Variants in HELZ observed in about 807,000 individuals in gnomAD.
The protein encoded by HELZ is ATP-dependent RNA helicase with zinc finger domain.
HELZ carries 23 observed loss-of-function variants against 218.2 expected under a neutral mutation model. That is an observed-to-expected ratio of 0.11 (90% CI 0.08 to 0.15). The LOEUF is 0.15. HELZ is among the 10% of genes least tolerant of loss of function. The pLI, the probability that HELZ is intolerant of heterozygous loss-of-function variation, is 1.00. For missense variants in HELZ, 1,813 were observed against 2,353.7 expected, an observed-to-expected ratio of 0.77 and a Z score of 4.75; for synonymous variants, 814 against 829.4, an observed-to-expected ratio of 0.98 and a Z score of 0.32.
At position 67,076,431 on chromosome 17, in the gene HELZ, T is replaced by C. The variant is rs1238709947; in HGVS notation, c.*1821A>G. 1 of 152,198 alleles carries C rather than the reference T, an allele frequency of 6.6e-6. No homozygotes were observed. Among genetic ancestry groups the C allele is most frequent in the Admixed American group, 6.5e-5 (1 of 15,280 alleles). 9.4% of individuals were successfully genotyped at this position (152,198 alleles called of 1,614,324 possible). On this transcript the variant is annotated 3_prime_UTR_variant, in exon 33 of 33. Transcript: ENST00000358691. ...ACTTGCCGGCTCAGTTTTCCAGCTG[T>C]GATTTATGCTAACCATTAACACGTC...
At chr17:67,184,785 C>A (rs1259968428) in intron 12 of HELZ, among the ~76,000 whole-genome samples, 1 of 151,880 alleles carries the variant, frequency 6.6e-6, no homozygotes, top group South Asian at 2.1e-4. Context: ...CACTGCACTC[C>A]AGCCTGGGCA....
chr17:67,108,713 C>A lies in HELZ; in HGVS notation c.4503G>T (p.Gly1501=). 5.7e-6 allele frequency: 9 copies of A among 1,587,466 alleles called. No homozygotes were observed. In the South Asian group the frequency reaches 6.8e-5, roughly 12 times the overall value. Reference sequence around the variant, plus strand: ...GCCTTAATGTTTCCAGAGCGACACTCCCATGTATACGATCTGCAAAAATAT... The same window carrying A: ...GCCTTAATGTTTCCAGAGCGACACTACCATGTATACGATCTGCAAAAATAT... ...PIGEALDRIH[G]SVALETLRQQ... is the part of the protein sequence containing the mutation. The change falls in exon 30 of 33, where the codon GGG becomes GGT. Residue 1501 remains glycine, a synonymous_variant. Transcript: ENST00000358691. This position sits in a 1 kb window ranked among gnomAD's most constrained non-coding sequence, Gnocchi z 4.1.
At chr17:67,093,082 T>C (rs1046240313) in intron 31 of HELZ, among the ~76,000 whole-genome samples, 1 of 152,228 alleles carries the variant, frequency 6.6e-6, no homozygotes, top group South Asian at 2.1e-4. Context: ...ACAATAGTGA[T>C]GTTTTAAAAA....
At chr17:67,125,816 C>T (rs574463897) in intron 24 of HELZ, among the ~76,000 whole-genome samples, 1 of 152,052 alleles carries the variant, frequency 6.6e-6, no homozygotes, top group African/African-American at 2.4e-5. Flanking sequence ...ATCCCATGAG[C>T]CCTAAAAGCA....
intron 27 of HELZ, among the ~76,000 whole-genome samples, chr17:67,117,653 G>A (rs1211379376): frequency 6.6e-6 from 1 of 151,344 alleles, no homozygotes; most frequent in Non-Finnish European, 1.5e-5. Context: ...AGGTTCAAGC[G>A]ATTCTCCTGC....
Position 67,109,097 on chromosome 17 carries a change from T to C in HELZ, c.4489+19A>G. 1.3e-6 allele frequency: 2 copies of C among 1,539,590 alleles called. No homozygotes were observed. The highest frequency in any genetic ancestry group is 8.8e-7 in the Non-Finnish European group (1 of 1,132,008). ...TAAGTAATCTCTGAATTTTCACATC[T>C]GGCAGTAATAGAACTTACCTAAAGC... On this transcript the variant is annotated intron_variant, in intron 29 of 32. Coordinates refer to ENST00000358691, the MANE Select transcript of HELZ (RefSeq NM_014877.4).
rs149864769 is a variant in HELZ, at chr17:67,123,861, G to A, written c.3439+102C>T. 1.5e-4 allele frequency: 115 copies of A among 790,838 alleles called. No individual in the cohort carries two copies. The African/African-American group carries it at 1.9e-3, about 13-fold the overall frequency. 49.0% of individuals were successfully genotyped at this position (790,838 alleles called of 1,614,324 possible). On this transcript the variant is annotated intron_variant, in intron 25 of 32. Coordinates refer to ENST00000358691, the MANE Select transcript of HELZ (RefSeq NM_014877.4). ...TGTGTGTGTGTCAGAGAGAAAGAGA[G>A]AGAGAAACCATCTCCCCACCCTCCT...
chr17:67,096,187 A>C (rs1017967837), intron 31 of HELZ, among the ~76,000 whole-genome samples: 1 of 121,450 alleles, frequency 8.2e-6, no homozygotes, highest in Non-Finnish European at 1.6e-5. Context: ...TAGTGGGTTT[A>C]AAACATGGGT....
At chr17:67,082,323 C>T (rs1426108430) in intron 32 of HELZ, among the ~76,000 whole-genome samples, 1 of 152,150 alleles carries the variant, frequency 6.6e-6, no homozygotes, top group Non-Finnish European at 1.5e-5. Context: ...CAAGAAACCC[C>T]ACTAATATTT....
In HELZ at chr17:67,109,538, G is replaced by C. The variant is rs1023078898; in HGVS notation, c.4067C>G (p.Pro1356Arg). 6.2e-7 allele frequency: 1 copy of C among 1,614,162 alleles called. No homozygotes were observed. The highest frequency in any genetic ancestry group is 8.5e-7 in the Non-Finnish European group (1 of 1,180,030). Residue 1356 changes from proline to arginine, a missense_variant, in exon 29 of 33, where the codon CCT (proline) becomes CGT (arginine). Pro to Arg is a moderately radical substitution (Grantham distance 103). Around this residue, in one of 4 missense-constraint regions of HELZ, gnomAD observed 938 missense variants for 1,027.5 expected, o/e 0.91. Coordinates refer to ENST00000358691, the MANE Select transcript of HELZ (RefSeq NM_014877.4). The stretch of plus-strand genomic sequence containing the variant: ...GGGAAGGGGATGAAAGTGGCGATTA[G>C]GGATTGCATACTGTGCGTGGGGAGC... ...LPAPHAQYAIPNRHFHPLPQL... is the reference protein window; with the variant it reads ...LPAPHAQYAIRNRHFHPLPQL...
chr17:67,167,830 T>TTAC lies in HELZ; in HGVS notation c.1431-37_1431-35dup, dbSNP rs756626205. 4.4e-6 allele frequency: 6 copies of TTAC among 1,374,294 alleles called. No individual in the cohort carries two copies. In the Admixed American group the frequency reaches 1.3e-4, roughly 29 times the overall value. The allele number at this position is 1,374,294 out of a possible 1,614,324, so 85.1% of individuals were successfully genotyped here. ...GAAGTAGAAAACTAGTTTGAATATT[T>TTAC]TACATCAAAAATATATAAAAACTAG... is the stretch of plus-strand genomic sequence containing the variant. On this transcript the variant is annotated intron_variant, in intron 13 of 32. Transcript: ENST00000358691.
intron 31 of HELZ, among the ~76,000 whole-genome samples, chr17:67,105,072 G>T (rs1440197056): frequency 3.3e-5 from 5 of 152,250 alleles, no homozygotes; most frequent in East Asian, 3.8e-4. Context: ...GGCAGAGGTT[G>T]CAGTGAGCCA....
chr17:67,129,992 A>C (rs2037925072), intron 23 of HELZ, among the ~76,000 whole-genome samples: 1 of 152,220 alleles, frequency 6.6e-6, no homozygotes, highest in Non-Finnish European at 1.5e-5. Flanking sequence ...GGCTTCAAGA[A>C]GCATAAATGA....
chr17:67,118,594 T>C (rs2037498067), intron 27 of HELZ, among the ~76,000 whole-genome samples: 1 of 147,406 alleles, frequency 6.8e-6, no homozygotes, highest in Non-Finnish European at 1.5e-5. Flanking sequence ...CGTGTGCCTG[T>C]AGTCCCAGAT....
At chr17:67,184,463 T>C (rs985819746) in intron 12 of HELZ, among the ~76,000 whole-genome samples, 1 of 152,094 alleles carries the variant, frequency 6.6e-6, no homozygotes, top group Non-Finnish European at 1.5e-5. Flanking sequence ...AAGTGGAAGA[T>C]GCAATAAATA....
intron 17 of HELZ, among the ~76,000 whole-genome samples, chr17:67,154,456 T>A (rs890915570): frequency 1.3e-5 from 2 of 152,090 alleles, no homozygotes; most frequent in East Asian, 3.8e-4. Context: ...ATTTAAAAAG[T>A]AAAATAAAAG....
chr17:67,207,211 CTTTTTTTTTT>C (rs61019173), intron 5 of HELZ, among the ~76,000 whole-genome samples: 1 of 75,552 alleles, frequency 1.3e-5, no homozygotes, highest in Admixed American at 1.5e-4. Context: ...CACGCCCGGC[CTTTTTTTTTT>C]TTTTTTTTTT....
intron 17 of HELZ, among the ~76,000 whole-genome samples, chr17:67,155,179 A>C (rs2038803124): frequency 6.6e-6 from 1 of 152,254 alleles, no homozygotes; most frequent in Admixed American, 6.5e-5. Context: ...TAGAAAATCA[A>C]GAAAGAGGAA....
intron 15 of HELZ, among the ~76,000 whole-genome samples, chr17:67,163,227 C>T (rs1227838410): frequency 6.6e-6 from 1 of 152,134 alleles, no homozygotes; most frequent in East Asian, 1.9e-4. Flanking sequence ...TGAGATATTA[C>T]TTGACTAGTA....
Sources: gnomAD v4.1 joint callset for allele counts (sites outside exome capture counted in the v4.1 genomes callset) on GRCh38, gnomAD v4.1.1 for gene constraint, gnomAD v4.1.1 regional missense constraint, Gnocchi (gnomAD v3.1) non-coding constraint, MANE v1.5 for transcripts, NCBI Gene and HGNC (gene_info 2026-07-23, HGNC 2026-07-21) for gene names.